CCDC146: variants seen among roughly 807,000 people sequenced by gnomAD.
CCDC146 encodes the protein coiled-coil domain-containing protein 146.
In CCDC146, 92 loss-of-function variants were observed where a neutral mutation model predicts 119.3. That is an observed-to-expected ratio of 0.77 (90% CI 0.65 to 0.92). The LOEUF (loss-of-function observed/expected upper bound fraction) is 0.92. CCDC146 is among the 40% of genes least tolerant of loss of function. CCDC146 has a pLI of 0.00. For synonymous variants in CCDC146, 372 were observed against 371.8 expected (o/e 1.00, Z -0.01); for missense variants, 1,000 against 1,103.0 (o/e 0.91, Z 1.32).
chr7:77,136,367 A>G (rs1422809246), intron 1 of CCDC146, among the ~76,000 whole-genome samples: 4 of 152,196 alleles, frequency 2.6e-5, no homozygotes, highest in Non-Finnish European at 5.9e-5. Flanking sequence ...GATTAATAAA[A>G]TTGATAAGCC....
chr7:77,217,566 G>GAA (rs1792324289), intron 2 of CCDC146, among the ~76,000 whole-genome samples: 1 of 131,168 alleles, frequency 7.6e-6, no homozygotes, highest in African/African-American at 2.6e-5. Flanking sequence ...TATATATAGA[G>GAA]AGAGAGAGAG....
At chr7:77,241,186 T>C (rs2150488721) in intron 3 of CCDC146, among the ~76,000 whole-genome samples, 1 of 148,750 alleles carries the variant, frequency 6.7e-6, no homozygotes, top group African/African-American at 2.4e-5. Flanking sequence ...GCCTCCCGAG[T>C]AGCTGGGACT....
At chr7:77,259,981 TG>T in intron 7 of CCDC146, 27 bp from the exon 8 acceptor site, 1 of 701,366 alleles carries the variant, frequency 1.4e-6, no homozygotes, top group Non-Finnish European at 2.3e-6. Context: ...TGTGTGTGTG[TG>T]TGTGTGTGTG....
chr7:77,279,232 C>T (rs750624391), intron 13 of CCDC146, 131 bp downstream of exon 13: 63 of 712,286 alleles, frequency 8.8e-5, no homozygotes, highest in Admixed American at 2.3e-4. Context: ...CCACTGCCCT[C>T]CAGCCTGGGT....
chr7:77,265,068 GTT>G (rs1367514947), intron 9 of CCDC146, among the ~76,000 whole-genome samples: 2 of 152,176 alleles, frequency 1.3e-5, no homozygotes, highest in African/African-American at 4.8e-5. Context: ...GGAAGCATTG[GTT>G]TACTATAAGC....
intron 2 of CCDC146, among the ~76,000 whole-genome samples, chr7:77,203,182 A>G (rs951675301): frequency 6.6e-6 from 1 of 151,898 alleles, no homozygotes; most frequent in Non-Finnish European, 1.5e-5. Flanking sequence ...AAGGAGATGG[A>G]GGCATTATTA....
chr7:77,166,905 C>G (rs1791345472), intron 1 of CCDC146, among the ~76,000 whole-genome samples: 1 of 152,154 alleles, frequency 6.6e-6, no homozygotes, highest in Non-Finnish European at 1.5e-5. Context: ...AGAAGAACCT[C>G]AGTTTTGCTC....
At chr7:77,258,325 C>T (rs1793219776) in intron 6 of CCDC146, among the ~76,000 whole-genome samples, 1 of 152,168 alleles carries the variant, frequency 6.6e-6, no homozygotes, top group African/African-American at 2.4e-5. Context: ...GATCCATTAG[C>T]AGTCACCCCT....
chr7:77,205,801 A>T (rs1792070991), intron 2 of CCDC146, among the ~76,000 whole-genome samples: 1 of 152,180 alleles, frequency 6.6e-6, no homozygotes, highest in African/African-American at 2.4e-5. Flanking sequence ...TCTAGGTAGC[A>T]CTTCAACACT....
rs1584156485 is a variant in CCDC146 at position 77,295,091 on chromosome 7, A to G, written c.*225A>G. On this transcript the variant is annotated 3_prime_UTR_variant, in exon 19 of 19. Coordinates refer to ENST00000285871, the MANE Select transcript of CCDC146 (RefSeq NM_020879.3). ...CTGTCCTACATTTATGTCAAAGTAT[A>G]TATTTGAATCGCTTATATTTTCTTT... 1.4e-5 allele frequency: 7 copies of G among 488,886 alleles called. No homozygotes were observed. The East Asian group carries it at 2.5e-4, about 17-fold the overall frequency. The allele number at this position is 488,886 out of a possible 1,614,324, so 30.3% of individuals were successfully genotyped here. A position where few individuals can be genotyped will look rare whatever the true frequency, so the allele number is the denominator to read the frequency against.
At chr7:77,270,954 C>T (rs762580204) in intron 9 of CCDC146, among the ~76,000 whole-genome samples, 41 of 151,848 alleles carry the variant, frequency 2.7e-4, no homozygotes, top group Non-Finnish European at 5.4e-4. Flanking sequence ...GACCCCTCCT[C>T]ACAGACTTCC....
At chr7:77,135,693 G>A (rs1259982106) in intron 1 of CCDC146, among the ~76,000 whole-genome samples, 4 of 152,032 alleles carry the variant, frequency 2.6e-5, no homozygotes, top group Non-Finnish European at 5.9e-5. Flanking sequence ...GAACAGCAAC[G>A]ATAAATGCAC....
chr7:77,243,876 T>G (rs3108410), intron 4 of CCDC146, among the ~76,000 whole-genome samples: 142,530 of 152,208 alleles, frequency 0.94, 66,868 homozygotes, highest in African/African-American at 0.98. Flanking sequence ...TTTTGTTATT[T>G]TTATTGTTGT....
intron 1 of CCDC146, among the ~76,000 whole-genome samples, chr7:77,164,007 A>G (rs1223273187): frequency 2.6e-5 from 4 of 151,768 alleles, no homozygotes; most frequent in East Asian, 1.9e-4. Context: ...TTACAGGCAC[A>G]TGCCACCATG....
chr7:77,216,746 AGTT>A (rs1374136648), intron 2 of CCDC146, among the ~76,000 whole-genome samples: 1 of 152,166 alleles, frequency 6.6e-6, no homozygotes, highest in Non-Finnish European at 1.5e-5. Flanking sequence ...TGCTGGGAAA[AGTT>A]GTTCAGAATT....
intron 2 of CCDC146, among the ~76,000 whole-genome samples, chr7:77,235,164 A>G (rs547584813): frequency 1.3e-5 from 2 of 152,320 alleles, no homozygotes; most frequent in South Asian, 4.1e-4. Context: ...GGCTGAGGAT[A>G]CAGTGAAGGA....
intron 14 of CCDC146, chr7:77,282,259 T>C: frequency 6.7e-6 from 2 of 297,720 alleles, no homozygotes; most frequent in South Asian, 1.3e-4. Context: ...ACTTTGTTTG[T>C]GCATTGGGAA....
intron 1 of CCDC146, among the ~76,000 whole-genome samples, chr7:77,132,553 C>CAAAAAAAA (rs58502705): frequency 3.7e-5 from 4 of 107,022 alleles, no homozygotes; most frequent in Non-Finnish European, 5.3e-5. Context: ...TCGATCTCTA[C>CAAAAAAAA]AAAAAAAAAA....
At chr7:77,263,208 T>C (rs2150518970) in intron 9 of CCDC146, among the ~76,000 whole-genome samples, 1 of 152,300 alleles carries the variant, frequency 6.6e-6, no homozygotes, top group Non-Finnish European at 1.5e-5. Flanking sequence ...CCTTTGCAGT[T>C]GAGCAGAGTC....
Sources: allele counts gnomAD v4.1 joint callset (sites outside exome capture counted in the v4.1 genomes callset), GRCh38; gene constraint gnomAD v4.1.1; transcripts MANE v1.5; gene names NCBI Gene and HGNC (gene_info 2026-07-23, HGNC 2026-07-21).